Variants in ATG3 observed in about 807,000 individuals in gnomAD.
ATG3 encodes the protein ubiquitin-like-conjugating enzyme ATG3.
ATG3 carries 25 observed loss-of-function variants against 50.7 expected under a neutral mutation model. That is an observed-to-expected ratio of 0.49 (90% CI 0.36 to 0.69). The LOEUF (loss-of-function observed/expected upper bound fraction) is 0.69, where lower values mean the gene tolerates loss of function less well. Among genes scored for constraint, ATG3 ranks in the 30% least tolerant of loss-of-function variants. The pLI, the probability that ATG3 is intolerant of heterozygous loss-of-function variation, is 0.00. For missense variants in ATG3, 281 were observed against 376.0 expected, an observed-to-expected ratio of 0.75 and a Z score of 2.09; for synonymous variants, 119 against 125.5, an observed-to-expected ratio of 0.95 and a Z score of 0.34.
At chr3:112,557,539 AC>A (rs1254868470) in intron 2 of ATG3, among the ~76,000 whole-genome samples, 1 of 152,042 alleles carries the variant, frequency 6.6e-6, no homozygotes, top group African/African-American at 2.4e-5. Context: ...AATTGCTTGA[AC>A]CCAGGAGGCA....
chr3:112,561,466 C>A lies in ATG3; in HGVS notation c.63G>T (p.Pro21=), dbSNP rs138058725. The A allele has an allele frequency of 6.4e-7, 1 of 1,565,480 alleles. No homozygotes were observed. The highest frequency in any genetic ancestry group is 1.4e-5 in the African/African-American group (1 of 72,828). ...KALEVAEYLT[P]VLKESKFKET... is the part of the protein sequence containing the mutation. ...CCCTGGCCTGGCTTACCTTGAGGAC[C>A]GGGGTCAGGTACTCAGCCACTTCCA... is the stretch of plus-strand genomic sequence containing the variant. The change falls in exon 1 of 12, where the codon CCG becomes CCT. Residue 21 remains proline (P), a synonymous_variant. Coordinates refer to ENST00000283290, the MANE Select transcript of ATG3 (RefSeq NM_022488.5).
chr3:112,542,064 C>T lies in ATG3; in HGVS notation c.394-180G>A, dbSNP rs115634667. ...TTCATATATCAGTCATTAAAAGTAA[C>T]GTGCTAAGTGCTGTGACTGAAAAAT... On this transcript the variant is annotated intron_variant, in intron 6 of 11. Coordinates refer to ENST00000283290, the MANE Select transcript of ATG3 (RefSeq NM_022488.5). 1.6e-3 allele frequency among the ~76,000 whole-genome samples: 242 copies of T among 152,228 alleles called. 2 individuals are homozygous for T. Among genetic ancestry groups the T allele is most frequent in the African/African-American group, 5.6e-3 (231 of 41,554 alleles).
At position 112,532,723 on chromosome 3, in the gene ATG3, G is replaced by A. The variant is rs2107363443; in HGVS notation, c.921C>T (p.Asp307=). ...VQAVIPTIEY[D]YTRHFTM ...ATTACATTGTGAAGTGTCTTGTGTA[G>A]TCATATTCTATTGTTGGAATGACAG... Residue 307 remains aspartate (D), a synonymous_variant, in exon 12 of 12, where the codon GAC becomes GAT. Transcript: ENST00000283290. 1 of 1,598,784 alleles carries A rather than the reference G, an allele frequency of 6.3e-7. No homozygotes were observed.
intron 1 of ATG3, among the ~76,000 whole-genome samples, chr3:112,560,612 C>T (rs1262120940): frequency 6.6e-6 from 1 of 151,942 alleles, no homozygotes; most frequent in African/African-American, 2.4e-5. Context: ...GCAAGAACTT[C>T]CCATTAATTT....
At chr3:112,560,867 T>C (rs574510165) in intron 1 of ATG3, among the ~76,000 whole-genome samples, 8 of 152,354 alleles carry the variant, frequency 5.3e-5, no homozygotes, top group Non-Finnish European at 1.0e-4. Flanking sequence ...AATAACCAGC[T>C]ACGGCTATCT....
At chr3:112,543,048 AC>A (rs1477126921) in intron 6 of ATG3, among the ~76,000 whole-genome samples, 1 of 152,094 alleles carries the variant, frequency 6.6e-6, no homozygotes, top group South Asian at 2.1e-4. Flanking sequence ...AAATAAAAAA[AC>A]AAAACAAACA....
chr3:112,550,364 A>AG, intron 3 of ATG3, 102 bp from the exon 4 acceptor site: 2 of 967,206 alleles, frequency 2.1e-6, no homozygotes, highest in Non-Finnish European at 3.1e-6. Flanking sequence ...ATAATCCATA[A>AG]TTCTCAGAAA....
chr3:112,548,766 C>T (rs1933443042), intron 4 of ATG3, 126 bp from the exon 5 acceptor site: 1 of 749,926 alleles, frequency 1.3e-6, no homozygotes, highest in Admixed American at 2.4e-5. Context: ...GTGAATATTT[C>T]ACTTTTAAAG....
At chr3:112,549,783 C>T (rs888123783) in intron 4 of ATG3, among the ~76,000 whole-genome samples, 1 of 113,504 alleles carries the variant, frequency 8.8e-6, no homozygotes, top group Admixed American at 1.2e-4. Context: ...AAGTGAGACT[C>T]TGTCTCAAAA....
At chr3:112,547,341 C>T (rs981861429) in intron 5 of ATG3, among the ~76,000 whole-genome samples, 1 of 151,512 alleles carries the variant, frequency 6.6e-6, no homozygotes, top group African/African-American at 2.4e-5. Context: ...GGGAGAAAAA[C>T]ATATTTAGTA....
intron 11 of ATG3, chr3:112,533,973 T>C: frequency 1.7e-6 from 2 of 1,144,274 alleles, no homozygotes; most frequent in Non-Finnish European, 2.1e-6. Flanking sequence ...TGGTAACATG[T>C]TAAACTGGAA....
intron 9 of ATG3, among the ~76,000 whole-genome samples, chr3:112,537,135 GTGACAGCTACCCCCAA>G: frequency 6.6e-6 from 1 of 152,082 alleles, no homozygotes; most frequent in African/African-American, 2.4e-5. Flanking sequence ...GCCAAGCTCT[GTGACAGCTACCCCCAA>G]TGCAGAAAAA....
chr3:112,561,288 G>C (rs1933863637), intron 1 of ATG3, among the ~76,000 whole-genome samples, 169 bp downstream of exon 1: 1 of 152,078 alleles, frequency 6.6e-6, no homozygotes, highest in South Asian at 2.1e-4. Flanking sequence ...AAGCCCTAAC[G>C]AACAGCCGGT....
rs1396954078 is a variant in ATG3 at position 112,534,258 on chromosome 3, G to A, written c.863+11C>T. On this transcript the variant is annotated intron_variant, in intron 11 of 11. Coordinates refer to ENST00000283290, the MANE Select transcript of ATG3 (RefSeq NM_022488.5). ...CATTTTGCCACTAATCTTACATACA[G>A]GGAAGGATACATATGAACTCCAAGT... The A allele has an allele frequency of 6.3e-7, 1 of 1,596,778 alleles. No homozygotes were observed. Among genetic ancestry groups the A allele is most frequent in the South Asian group, 1.1e-5 (1 of 87,212 alleles).
In ATG3 at chr3:112,537,639, AAC is replaced by A. The variant is rs1933106303; in HGVS notation, c.666+94_666+95del. The A allele has an allele frequency of 1.1e-4, 96 of 904,942 alleles. 1 individual carries two copies. The East Asian group carries it at 2.7e-3, about 26-fold the overall frequency. The allele number at this position is 904,942 out of a possible 1,614,324, so 56.1% of individuals were successfully genotyped here. A position where few individuals can be genotyped will look rare whatever the true frequency, so the allele number is the denominator to read the frequency against. On this transcript the variant is annotated intron_variant, in intron 9 of 11. Transcript: ENST00000283290. ...AAAACAGATGATTTCCAAAATGTGA[AAC>A]ACTGCAATAAATACTCATGGACCTA... is the stretch of plus-strand genomic sequence containing the variant.
chr3:112,561,847 C>A lies in ATG3; in HGVS notation c.-319G>T. 1 of 364,366 alleles carries A rather than the reference C, an allele frequency of 2.7e-6. No homozygotes were observed. The highest frequency in any genetic ancestry group is 5.0e-6 in the Non-Finnish European group (1 of 200,404). The allele number at this position is 364,366 out of a possible 1,614,324, so 22.6% of individuals were successfully genotyped here. ...GGTGAGAAGCGGACGCACACGCACCCCTCGCCCTCTGCGAGCTGTCTGTCC... is the reference window on the plus strand; with the variant it reads ...GGTGAGAAGCGGACGCACACGCACCACTCGCCCTCTGCGAGCTGTCTGTCC... On this transcript the variant is annotated 5_prime_UTR_variant, in exon 1 of 12. Transcript: ENST00000283290.
At chr3:112,545,818 C>T (rs1933353659) in intron 5 of ATG3, among the ~76,000 whole-genome samples, 1 of 152,112 alleles carries the variant, frequency 6.6e-6, no homozygotes, top group Non-Finnish European at 1.5e-5. Flanking sequence ...TTTATGTCAA[C>T]TTGGCTAGGT....
intron 7 of ATG3, among the ~76,000 whole-genome samples, chr3:112,539,275 G>GT (rs1276215814): frequency 1.0e-3 from 152 of 152,222 alleles, no homozygotes; most frequent in African/African-American, 3.5e-3. Context: ...CTCACTCTGA[G>GT]TAATGTCAAG....
At chr3:112,548,511 T>G (rs745934458) in intron 5 of ATG3, 22 bp downstream of exon 5, 1 of 1,550,546 alleles carries the variant, frequency 6.4e-7, no homozygotes, top group East Asian at 2.2e-5. Flanking sequence ...ACTAAATATA[T>G]GTCATTTTAT....
Sources: gnomAD v4.1 joint callset for allele counts (sites outside exome capture counted in the v4.1 genomes callset) on GRCh38, gnomAD v4.1.1 for gene constraint, MANE v1.5 for transcripts, NCBI Gene and HGNC (gene_info 2026-07-23, HGNC 2026-07-21) for gene names.